Variants in ATG13 observed in about 807,000 individuals in gnomAD.
ATG13 encodes the protein autophagy related 13.
A neutral mutation model predicts 65.5 loss-of-function variants in ATG13; 23 were observed. That is an observed-to-expected ratio of 0.35 (90% CI 0.25 to 0.50). ATG13 has a LOEUF of 0.50. ATG13 is among the 20% of genes least tolerant of loss of function. The pLI is 0.98. For missense variants in ATG13, 566 were observed against 677.0 expected (o/e 0.84, Z 1.82); for synonymous variants, 252 against 245.2 (o/e 1.03, Z -0.26).
At chr11:46,622,291 A>G (rs1371658495) in intron 1 of ATG13, among the ~76,000 whole-genome samples, 2 of 150,608 alleles carry the variant, frequency 1.3e-5, no homozygotes, top group Admixed American at 6.7e-5. Flanking sequence ...CTAATTTTTT[A>G]TATTTTTAGT....
Position 46,672,946 on chromosome 11 carries a change from CACCCCTGAAGG to C in ATG13, c.*615_*625del. On this transcript the variant is annotated 3_prime_UTR_variant, in exon 19 of 19. Transcript: ENST00000683050. ...AAGATCAGAACTCCAAAACCACTCC[CACCCCTGAAGG>C]TCGGGAGGGTCTGAGCAGCCCTGGT... 5.0e-6 allele frequency: 3 copies of C among 599,622 alleles called. No homozygotes were observed. The highest frequency in any genetic ancestry group is 7.3e-6 in the Non-Finnish European group (3 of 410,396). The allele number at this position is 599,622 out of a possible 1,614,324, so 37.1% of individuals were successfully genotyped here.
rs915431568 is a variant in ATG13 at position 46,645,802 on chromosome 11, A to G, written c.151-68A>G. On this transcript the variant is annotated intron_variant, in intron 4 of 18. Transcript: ENST00000683050. ...CACAGCAATACTTGCATTACCCAGC[A>G]TACACTAATTTCTTTTTCCATAATG... The G allele has an allele frequency of 6.9e-6, 11 of 1,597,012 alleles. No homozygotes were observed. The East Asian group carries it at 1.8e-4, about 26-fold the overall frequency.
chr11:46,665,523 A>G lies in ATG13; in HGVS notation c.1136+4A>G. 1.9e-6 allele frequency: 3 copies of G among 1,613,882 alleles called. No individual in the cohort carries two copies. Among genetic ancestry groups the G allele is most frequent in the Non-Finnish European group, 2.5e-6 (3 of 1,179,882 alleles). ...GTGCTGCCACACCCTCCAGTAGGTG[A>G]GTTCACATTTTGGCTCTGTCTCTGG... On this transcript the variant is annotated splice_donor_region_variant and intron_variant, in intron 14 of 18. Coordinates refer to ENST00000683050, the MANE Select transcript of ATG13 (RefSeq NM_001346311.2).
chr11:46,625,598 C>T (rs1193778191), intron 1 of ATG13, among the ~76,000 whole-genome samples: 1 of 152,062 alleles, frequency 6.6e-6, no homozygotes, highest in African/African-American at 2.4e-5. Context: ...GATTGCCCAT[C>T]CCCCCAGGTG....
At chr11:46,631,726 A>C (rs2051809004) in intron 2 of ATG13, among the ~76,000 whole-genome samples, 1 of 152,120 alleles carries the variant, frequency 6.6e-6, no homozygotes, top group Non-Finnish European at 1.5e-5. Flanking sequence ...AAAAAATTAA[A>C]AAATTAGTTG....
At position 46,645,405 on chromosome 11, in the gene ATG13, A is replaced by G; in HGVS notation, c.136A>G (p.Thr46Ala). ...KICTRSSSSP[T>A]GSDWFNLAIK... Reference sequence around the variant, plus strand: ...TTGCACTCGTTCATCATCTTCTCCAACGGGTTCAGATTGGGTAAAATTCTA... The same window carrying G: ...TTGCACTCGTTCATCATCTTCTCCAGCGGGTTCAGATTGGGTAAAATTCTA... The change falls in exon 4 of 19, where the codon ACG becomes GCG. Residue 46 changes from threonine (T) to alanine (A), a missense_variant. Physicochemically the swap from Thr to Ala is moderately conservative, Grantham distance 58. This residue lies in a region of ATG13 where 179 missense variants were observed against 267.2 expected (regional missense o/e 0.67). Transcript: ENST00000683050. The G allele has an allele frequency of 6.2e-7, 1 of 1,613,820 alleles. No homozygotes were observed. The highest frequency in any genetic ancestry group is 8.5e-7 in the Non-Finnish European group (1 of 1,179,856).
At chr11:46,619,465 A>C (rs2046620713) in intron 1 of ATG13, among the ~76,000 whole-genome samples, 1 of 141,484 alleles carries the variant, frequency 7.1e-6, no homozygotes, top group African/African-American at 2.7e-5. Flanking sequence ...GCCCACTGCA[A>C]CCTCTGCCTC....
chr11:46,652,782 T>C (rs2059181716), intron 7 of ATG13, among the ~76,000 whole-genome samples: 1 of 152,170 alleles, frequency 6.6e-6, no homozygotes, highest in Non-Finnish European at 1.5e-5. Flanking sequence ...ACATGAATAG[T>C]GAACTGCCTG....
intron 3 of ATG13, 134 bp from the exon 4 acceptor site, chr11:46,645,205 T>C: frequency 3.0e-6 from 2 of 660,352 alleles, no homozygotes; most frequent in South Asian, 4.6e-5. Context: ...TTATACTGTT[T>C]CCCAAAGTAT....
chr11:46,633,272 C>T (rs927482032), intron 2 of ATG13, among the ~76,000 whole-genome samples: 5 of 151,054 alleles, frequency 3.3e-5, no homozygotes, highest in Non-Finnish European at 1.5e-5. Flanking sequence ...CCACCTGCCT[C>T]ACCCTCCCAA....
intron 7 of ATG13, among the ~76,000 whole-genome samples, chr11:46,655,802 A>G (rs1408060910): frequency 3.9e-5 from 6 of 152,038 alleles, no homozygotes; most frequent in African/African-American, 9.7e-5. Context: ...CAATGGTGCA[A>G]TCTTGGCTCA....
chr11:46,643,064 G>A (rs1230889376), intron 2 of ATG13, among the ~76,000 whole-genome samples: 1 of 152,210 alleles, frequency 6.6e-6, no homozygotes, highest in Non-Finnish European at 1.5e-5. Context: ...AGGAAGGATT[G>A]AAACTTGCCT....
intron 15 of ATG13, 64 bp from the exon 16 acceptor site, chr11:46,668,435 A>C: frequency 1.3e-6 from 2 of 1,532,878 alleles, no homozygotes; most frequent in Non-Finnish European, 1.8e-6. Flanking sequence ...TCTGGCAACC[A>C]GGAAGGAAGC....
intron 1 of ATG13, among the ~76,000 whole-genome samples, chr11:46,624,487 GA>G (rs2048797134): frequency 1.3e-5 from 2 of 149,948 alleles, no homozygotes; most frequent in Non-Finnish European, 3.0e-5. Flanking sequence ...TGGATCTTCA[GA>G]TTTTTTTTTT....
chr11:46,638,765 C>G (rs759101107), intron 2 of ATG13, among the ~76,000 whole-genome samples: 3 of 152,158 alleles, frequency 2.0e-5, no homozygotes, highest in African/African-American at 7.2e-5. Context: ...GGATTTTACT[C>G]TTTTTCTGTG....
intron 11 of ATG13, chr11:46,659,772 T>C: frequency 3.4e-6 from 1 of 292,652 alleles, no homozygotes; most frequent in Non-Finnish European, 6.4e-6. Context: ...ACACCAGAGA[T>C]TTTGTCTAAC....
At chr11:46,665,657 C>A in intron 14 of ATG13, 138 bp downstream of exon 14, 1 of 1,240,242 alleles carries the variant, frequency 8.1e-7, no homozygotes, top group Non-Finnish European at 1.1e-6. Context: ...AAAGCATGGA[C>A]TCCTAGCTGG....
intron 1 of ATG13, chr11:46,618,195 A>C (rs1362501057): frequency 3.4e-6 from 1 of 293,432 alleles, no homozygotes; most frequent in African/African-American, 2.2e-5. Context: ...GGGTGCCAAT[A>C]TGAGTGAGGT....
At chr11:46,626,974 G>A (rs994534074) in intron 1 of ATG13, among the ~76,000 whole-genome samples, 3 of 152,154 alleles carry the variant, frequency 2.0e-5, no homozygotes, top group Non-Finnish European at 4.4e-5. Flanking sequence ...GTCGGGTGCG[G>A]TAATCCTGTA....
Sources: gnomAD v4.1 joint callset for allele counts (sites outside exome capture counted in the v4.1 genomes callset) on GRCh38, gnomAD v4.1.1 for gene constraint, gnomAD v4.1.1 regional missense constraint, MANE v1.5 for transcripts, NCBI Gene and HGNC (gene_info 2026-07-23, HGNC 2026-07-21) for gene names.